The following MUC5AC variants were observed in gnomAD, a reference collection of about 807,000 sequenced individuals.
MUC5AC encodes mucin-5AC.
A neutral mutation model predicts 169.7 loss-of-function variants in MUC5AC; 158 were observed. The observed-to-expected ratio is 0.93, with a 90% confidence interval of 0.82 to 1.06. The LOEUF (loss-of-function observed/expected upper bound fraction) is 1.06. Ranked by LOEUF, MUC5AC falls within the 50% of genes least tolerant of loss-of-function variation. The pLI, the probability that MUC5AC is intolerant of heterozygous loss-of-function variation, is 0.00. For missense variants in MUC5AC, 4,359 were observed against 3,089.9 expected (o/e 1.41, Z -9.74); for synonymous variants, 1,975 against 1,237.0 (o/e 1.60, Z -12.52).
chr11:1,177,819 G>A (rs964346599), intron 24 of MUC5AC, among the ~76,000 whole-genome samples, 186 bp downstream of exon 24: 1 of 152,232 alleles, frequency 6.6e-6, no homozygotes, highest in Non-Finnish European at 1.5e-5. Flanking sequence ...TTGGCTGGGT[G>A]TCAGTGTTCT....
Position 1,193,488 on chromosome 11 carries a change from G to C in MUC5AC, c.14584G>C (p.Gly4862Arg), listed in dbSNP as rs761553713. ...CPNAVPPRKK[G>R]ETWATPNCSE... ...GCAGGTCTCTGTGCTTCTGCAGAAA[G>C]GTGAGACCTGGGCCACACCCAACTG... Residue 4862 changes from glycine (G) to arginine (R), a missense_variant, in exon 33 of 49, where the codon GGT (glycine) becomes CGT (arginine). Gly to Arg is a moderately radical substitution (Grantham distance 125). Transcript: ENST00000621226. 8 of 735,828 alleles carry C rather than the reference G, an allele frequency of 1.1e-5. No individual in the cohort carries two copies. In the South Asian group the frequency reaches 1.1e-4, roughly 10 times the overall value. 45.6% of individuals were successfully genotyped at this position (735,828 alleles called of 1,614,324 possible). A position where few individuals can be genotyped will look rare whatever the true frequency, so the allele number is the denominator to read the frequency against.
In MUC5AC at chr11:1,168,559, G is replaced by A. The variant is rs936756347; in HGVS notation, c.1567+7G>A. 1 of 1,612,576 alleles carries A rather than the reference G, an allele frequency of 6.2e-7. No homozygotes were observed. The highest frequency in any genetic ancestry group is 8.5e-7 in the Non-Finnish European group (1 of 1,179,794). On this transcript the variant is annotated splice_region_variant and intron_variant, in intron 13 of 48. Transcript: ENST00000621226. ...CAGCTGCCCATCTCTGCAGGTGAGG[G>A]CAGTGGCTTCTTCCCCACCCCGGGG...
Position 1,185,031 on chromosome 11 carries a change from TC to T in MUC5AC, c.6887del (p.Ser2296PhefsTer29), listed in dbSNP as rs1860898904. ...SAPTTRTTSA[S>X]PASTTSGPGN... ...TCCTACAACCAGAACAACCTCTGCC[TC>T]TCCAGCCAGCACAACCTCTGGTCCT... On this transcript the variant is annotated frameshift_variant, in exon 31 of 49. Coordinates refer to ENST00000621226, the MANE Select transcript of MUC5AC (RefSeq NM_001304359.2). LOFTEE classifies it high-confidence loss of function. 1 of 487,658 alleles carries T rather than the reference TC, an allele frequency of 2.1e-6. No individual in the cohort carries two copies. The highest frequency in any genetic ancestry group is 2.6e-5 in the African/African-American group (1 of 37,782). 30.2% of individuals were successfully genotyped at this position (487,658 alleles called of 1,614,324 possible).
chr11:1,158,956 C>T (rs1860044461), intron 1 of MUC5AC, among the ~76,000 whole-genome samples: 1 of 152,250 alleles, frequency 6.6e-6, no homozygotes, highest in Non-Finnish European at 1.5e-5. Flanking sequence ...CCCCGCCGTC[C>T]CTCGTCTGTA....
intron 45 of MUC5AC, 24 bp from the exon 46 acceptor site, chr11:1,199,347 C>A: frequency 1.4e-6 from 1 of 704,510 alleles, no homozygotes; most frequent in African/African-American, 1.8e-5. Flanking sequence ...GGGTCACTCA[C>A]CCCGGGGCCT....
Position 1,165,421 on chromosome 11 carries a change from T to C in MUC5AC, c.1247+2T>C, listed in dbSNP as rs1564907536. 2 of 1,568,862 alleles carry C rather than the reference T, an allele frequency of 1.3e-6. No individual in the cohort carries two copies. On this transcript the variant is annotated splice_donor_variant, in intron 10 of 48. Transcript: ENST00000621226. LOFTEE classifies it high-confidence loss of function. ...CTACTCCACAGACTGCACCAACTGGTAGGTCCCAGCCCCCCTCCAGGCCAC... is the reference window on the plus strand; with the variant it reads ...CTACTCCACAGACTGCACCAACTGGCAGGTCCCAGCCCCCCTCCAGGCCAC...
chr11:1,192,803 A>G lies in MUC5AC; in HGVS notation c.14401A>G (p.Arg4801Gly). ...YPAGSTIYRHRDLAGHCYYAL... is the reference protein window; with the variant it reads ...YPAGSTIYRHGDLAGHCYYAL... ...TACAGGATCCACCATATACCGCCAC[A>G]GAGACCTCGCTGGCCATTGCTATTA... is the stretch of plus-strand genomic sequence containing the variant. The change falls in exon 32 of 49, where the codon AGA becomes GGA. Residue 4801 changes from arginine (R) to glycine (G), a missense_variant. Arg to Gly is a moderately radical substitution (Grantham distance 125, BLOSUM62 -2). Coordinates refer to ENST00000621226, the MANE Select transcript of MUC5AC (RefSeq NM_001304359.2). 1.3e-6 allele frequency: 1 copy of G among 761,714 alleles called. No individual in the cohort carries two copies. Among genetic ancestry groups the G allele is most frequent in the East Asian group, 2.4e-5 (1 of 41,114 alleles). The allele number at this position is 761,714 out of a possible 1,614,324, so 47.2% of individuals were successfully genotyped here.
At chr11:1,162,669 C>T (rs534579592) in intron 5 of MUC5AC, 23 bp downstream of exon 5, 30 of 1,600,228 alleles carry the variant, frequency 1.9e-5, no homozygotes, top group South Asian at 6.6e-5. Context: ...GGGGGTGTCC[C>T]GGTGTGCAAC....
chr11:1,194,074 C>T (rs757759184), intron 33 of MUC5AC, 36 bp from the exon 34 acceptor site: 23 of 758,700 alleles, frequency 3.0e-5, no homozygotes, highest in Non-Finnish European at 4.6e-5. Flanking sequence ...TGCCACCACC[C>T]GAGCCACCCG....
chr11:1,192,713 C>A, intron 31 of MUC5AC, 70 bp from the exon 32 acceptor site: 1 of 697,196 alleles, frequency 1.4e-6, no homozygotes, highest in South Asian at 1.6e-5. Context: ...GCCCCTCTGG[C>A]TCTGGGAGTT....
intron 22 of MUC5AC, 44 bp downstream of exon 22, chr11:1,177,110 C>T (rs951659119): frequency 5.8e-5 from 23 of 398,530 alleles, no homozygotes; most frequent in African/African-American, 3.5e-4. Context: ...CCCCGTGGCC[C>T]GAAGCTGCTC....
intron 24 of MUC5AC, 73 bp from the exon 25 acceptor site, chr11:1,178,371 G>T: frequency 2.4e-6 from 1 of 417,052 alleles, no homozygotes; most frequent in Non-Finnish European, 4.2e-6. Flanking sequence ...GGGAGGAGGC[G>T]GCCTAGGGGC....
rs1012263248 is a variant in MUC5AC, at chr11:1,194,186, G to A, written c.14832G>A (p.Thr4944=). The A allele has an allele frequency of 1.2e-5, 9 of 764,980 alleles. No individual in the cohort carries two copies. The highest frequency in any genetic ancestry group is 2.2e-5 in the Non-Finnish European group (9 of 417,888). The allele number at this position is 764,980 out of a possible 1,614,324, so 47.4% of individuals were successfully genotyped here. The change falls in exon 34 of 49, where the codon ACG becomes ACA. Residue 4944 remains threonine (T), a synonymous_variant. Transcript: ENST00000621226. ...ACTACACCTTCCTGGACAACTGCAC[G>A]TACGTGCTGGTGCAGCAGATTGTGC... The part of the protein sequence containing the change: ...GTYYTFLDNC[T]YVLVQQIVPV...
At chr11:1,165,243 G>T in intron 9 of MUC5AC, 59 bp from the exon 10 acceptor site, 1 of 1,500,156 alleles carries the variant, frequency 6.7e-7, no homozygotes, top group East Asian at 2.3e-5. Context: ...TTGTTCCCCT[G>T]CAACGCCCAC....
Position 1,188,371 on chromosome 11 carries a change from C to T in MUC5AC, c.10226C>T (p.Ala3409Val). The T allele has an allele frequency of 1.6e-6, 1 of 636,736 alleles. No homozygotes were observed. The highest frequency in any genetic ancestry group is 2.9e-6 in the Non-Finnish European group (1 of 343,600). The allele number at this position is 636,736 out of a possible 1,614,324, so 39.4% of individuals were successfully genotyped here. The change falls in exon 31 of 49, where the codon GCC (alanine) becomes GTC (valine). Residue 3409 changes from alanine (A) to valine (V), a missense_variant. By Grantham distance (64) the Ala-to-Val change is moderately conservative. Transcript: ENST00000621226. ...ACTCCACAGACCAGCATATCCTCTG[C>T]CCCTACAAGCAGCACAACCTCGGCT... is the stretch of plus-strand genomic sequence containing the variant. ...TSTPQTSISSAPTSSTTSAPT... is the reference protein window; with the variant it reads ...TSTPQTSISSVPTSSTTSAPT...
At position 1,192,529 on chromosome 11, in the gene MUC5AC, CGTGA is replaced by C. The variant is rs758596899; in HGVS notation, c.14380+8_14380+11del. 2 of 763,674 alleles carry C rather than the reference CGTGA, an allele frequency of 2.6e-6. No individual in the cohort carries two copies. The highest frequency in any genetic ancestry group is 1.3e-5 in the South Asian group (1 of 74,588). The allele number at this position is 763,674 out of a possible 1,614,324, so 47.3% of individuals were successfully genotyped here. On this transcript the variant is annotated splice_donor_5th_base_variant and intron_variant, in intron 31 of 48. Coordinates refer to ENST00000621226, the MANE Select transcript of MUC5AC (RefSeq NM_001304359.2). ...GCTGACCGGCTCTACCCTGCAGGTTCGTGAGTGTTTCTGGTGCAATTGTTTCTGA... is the reference window on the plus strand; with the variant it reads ...GCTGACCGGCTCTACCCTGCAGGTTCGTGTTTCTGGTGCAATTGTTTCTGA...
intron 15 of MUC5AC, among the ~76,000 whole-genome samples, chr11:1,169,817 C>CTCACCCGT (rs1860445703): frequency 6.9e-6 from 1 of 144,728 alleles, no homozygotes; most frequent in African/African-American, 2.6e-5. Context: ...CACTCACCCA[C>CTCACCCGT]TCACCCATTC....
chr11:1,168,885 A>G lies in MUC5AC; in HGVS notation c.1729A>G (p.Ile577Val). The G allele has an allele frequency of 6.2e-7, 1 of 1,604,560 alleles. No individual in the cohort carries two copies. The highest frequency in any genetic ancestry group is 8.5e-7 in the Non-Finnish European group (1 of 1,175,154). Reference protein sequence around the residue: ...TCGLCGNFNSIQADDFRTLSG... With the variant: ...TCGLCGNFNSVQADDFRTLSG... The stretch of plus-strand genomic sequence containing the variant: ...AGGTCTCTGTGGGAACTTCAACAGC[A>G]TCCAGGCCGATGACTTCCGGACCCT... Residue 577 changes from isoleucine to valine, a missense_variant, in exon 15 of 49, where the codon ATC becomes GTC. Ile to Val is a conservative substitution (Grantham distance 29). Coordinates refer to ENST00000621226, the MANE Select transcript of MUC5AC (RefSeq NM_001304359.2).
chr11:1,160,584 G>T, intron 1 of MUC5AC, 28 bp from the exon 2 acceptor site: 1 of 1,592,080 alleles, frequency 6.3e-7, no homozygotes. Flanking sequence ...CCCTGCATCT[G>T]GGCTCAGCCC....
Sources: gnomAD v4.1 joint callset for allele counts (sites outside exome capture counted in the v4.1 genomes callset) on GRCh38, gnomAD v4.1.1 for gene constraint, MANE v1.5 for transcripts, NCBI Gene and HGNC (gene_info 2026-07-23, HGNC 2026-07-21) for gene names.